ZDHHC24: variants seen among roughly 807,000 people sequenced by gnomAD.
The protein encoded by ZDHHC24 is zDHHC palmitoyltransferase 24.
Under a neutral mutation model 23.2 loss-of-function variants are expected in ZDHHC24, and 17 were observed. The observed-to-expected ratio is 0.73, with a 90% CI of 0.50 to 1.10. ZDHHC24 has a LOEUF of 1.10. Among genes scored for constraint, ZDHHC24 ranks in the 50% least tolerant of loss-of-function variants. The pLI, the probability that ZDHHC24 is intolerant of heterozygous loss-of-function variation, is 0.00. For synonymous variants in ZDHHC24, 186 were observed against 194.5 expected (o/e 0.96, Z 0.36); for missense variants, 366 against 393.0 (o/e 0.93, Z 0.58).
rs1209367121 is a variant in ZDHHC24, at chr11:66,539,814, A to G, written c.570T>C (p.Ser190=). 1.2e-6 allele frequency: 2 copies of G among 1,601,224 alleles called. No individual in the cohort carries two copies. The highest frequency in any genetic ancestry group is 1.1e-5 in the South Asian group (1 of 90,256). The change falls in exon 3 of 3, where the codon TCT becomes TCC. Residue 190 remains serine (S), a synonymous_variant. Coordinates refer to ENST00000310442, the MANE Select transcript of ZDHHC24 (RefSeq NM_207340.3). ...PWLMLLTGRV[S]LAQFALAFVT... ...CGAAGGCCAAGGCAAACTGTGCCAG[A>G]GACACTCTGCCTGCAATAAAAGAGC...
intron 2 of ZDHHC24, among the ~76,000 whole-genome samples, chr11:66,541,662 GAGAA>G (rs1857155558): frequency 6.6e-6 from 1 of 152,144 alleles, no homozygotes; most frequent in African/African-American, 2.4e-5. Flanking sequence ...GATAAAAGAT[GAGAA>G]AGGGCAACCA....
chr11:66,527,828 A>C (rs903384561), intron 3 of ZDHHC24: 3 of 152,304 alleles, frequency 2.0e-5, no homozygotes, highest in African/African-American at 4.8e-5. Context: ...AGCTTGGGAA[A>C]GGCTTCAGAG....
chr11:66,531,367 G>A (rs1404309712), downstream of ZDHHC24, among the ~76,000 whole-genome samples: 2 of 152,162 alleles, frequency 1.3e-5, no homozygotes, highest in Admixed American at 1.3e-4. Flanking sequence ...TTCCCCCAGG[G>A]CCCAGGTCTG....
intron 4 of ZDHHC24, chr11:66,523,337 A>G: frequency 7.1e-7 from 1 of 1,410,054 alleles, no homozygotes; most frequent in Admixed American, 1.7e-5. Context: ...TCCCAGGGTC[A>G]TCTGCTTTGG....
In ZDHHC24 at chr11:66,537,917, A is replaced by C. The variant is rs1214659338; in HGVS notation, c.*1612T>G. 1 of 144,804 alleles carries C rather than the reference A, an allele frequency of 6.9e-6. No homozygotes were observed. The highest frequency in any genetic ancestry group is 1.5e-5 in the Non-Finnish European group (1 of 66,172). 9.0% of individuals were successfully genotyped at this position (144,804 alleles called of 1,614,324 possible). A position where few individuals can be genotyped will look rare whatever the true frequency, so the allele number is the denominator to read the frequency against. On this transcript the variant is annotated 3_prime_UTR_variant, in exon 3 of 3. Coordinates refer to ENST00000310442, the MANE Select transcript of ZDHHC24 (RefSeq NM_207340.3). ...CACTCCAGCCTGGCAACAGAACAAG[A>C]GTCTGTCTCAAATAAAATAAAATAA...
rs566163011 is a variant in ZDHHC24 at position 66,529,380 on chromosome 11, G to T, written c.668C>A (p.Pro223His). 1.6e-5 allele frequency: 23 copies of T among 1,403,232 alleles called. 1 individual carries two copies. The African/African-American group carries it at 1.8e-4, about 11-fold the overall frequency. 86.9% of individuals were successfully genotyped at this position (1,403,232 alleles called of 1,614,324 possible). Residue 223 changes from proline to histidine, a missense_variant, in exon 3 of 5, where the codon CCT becomes CAT. Coordinates refer to the ZDHHC24 transcript ENST00000526986. The stretch of plus-strand genomic sequence containing the variant: ...GACCTCCCTGTGGAGATGAGCAGGA[G>T]GCAGGCGAGGGTGCTCACTAAGCTG...
In ZDHHC24 at chr11:66,545,728, G is replaced by A; in HGVS notation, c.276C>T (p.Gly92=). 6.4e-7 allele frequency: 1 copy of A among 1,567,866 alleles called. No homozygotes were observed. Among genetic ancestry groups the A allele is most frequent in the Non-Finnish European group, 8.6e-7 (1 of 1,163,374 alleles). ...VMLAGRGLGQ[G]WAYCYQCQSQ... ...CGATCCCGCACCCCACTCACGCCCAGCCCTGGCCCAGACCGCGGCCGGCCA... is the reference window on the plus strand; with the variant it reads ...CGATCCCGCACCCCACTCACGCCCAACCCTGGCCCAGACCGCGGCCGGCCA... The change falls in exon 1 of 3, where the codon GGC becomes GGT. Residue 92 remains glycine, a synonymous_variant. Transcript: ENST00000310442. This position sits in a 1 kb window ranked among gnomAD's most constrained non-coding sequence, Gnocchi z 4.5.
chr11:66,531,439 C>T (rs2134839462), downstream of ZDHHC24, among the ~76,000 whole-genome samples: 1 of 152,278 alleles, frequency 6.6e-6, no homozygotes, highest in South Asian at 2.1e-4. Flanking sequence ...CAGCCCCAGA[C>T]TTGGTGGGAG....
rs919908381 is a variant in ZDHHC24 at position 66,537,625 on chromosome 11, G to A, written c.*1904C>T. Reference sequence around the variant, plus strand: ...CCAAGGCGGGCAGATCACGAGGTCAGTAGATCAAGACCATCCTGGCCGGCC... The same window carrying A: ...CCAAGGCGGGCAGATCACGAGGTCAATAGATCAAGACCATCCTGGCCGGCC... On this transcript the variant is annotated 3_prime_UTR_variant, in exon 3 of 3. Coordinates refer to ENST00000310442, the MANE Select transcript of ZDHHC24 (RefSeq NM_207340.3). 2 of 141,828 alleles carry A rather than the reference G, an allele frequency of 1.4e-5. No homozygotes were observed. The highest frequency in any genetic ancestry group is 5.5e-5 in the African/African-American group (2 of 36,684). 8.8% of individuals were successfully genotyped at this position (141,828 alleles called of 1,614,324 possible).
rs773104286 is a variant in ZDHHC24 at position 66,543,710 on chromosome 11, G to A, written c.553C>T (p.Leu185Phe). 5.7e-6 allele frequency: 9 copies of A among 1,583,618 alleles called. No individual in the cohort carries two copies. In the South Asian group the frequency reaches 6.8e-5, roughly 12 times the overall value. ...GGCCTCCCAGGCTCCCCACCTGTGA[G>A]CAACATGAGCCAGGGAAGCAGGAGG... ...ALLLLPWLMLLTGRVSLAQFA... is the reference protein window; with the variant it reads ...ALLLLPWLMLFTGRVSLAQFA... Residue 185 changes from leucine (L) to phenylalanine (F), a missense_variant, in exon 2 of 3, where the codon CTC becomes TTC. Coordinates refer to ENST00000310442, the MANE Select transcript of ZDHHC24 (RefSeq NM_207340.3).
At chr11:66,524,256 G>A in intron 4 of ZDHHC24, 1 of 346,134 alleles carries the variant, frequency 2.9e-6, no homozygotes, top group Non-Finnish European at 5.7e-6. Context: ...CTTCAGCCTG[G>A]ACAACAGAGC....
chr11:66,521,490 C>G (rs1856215132), intron 4 of ZDHHC24: 2 of 830,922 alleles, frequency 2.4e-6, no homozygotes, highest in East Asian at 5.2e-5. Flanking sequence ...ATGCAAAGAG[C>G]TGAGAACTTC....
downstream of ZDHHC24, chr11:66,530,799 C>T (rs1856744284): frequency 6.5e-7 from 1 of 1,534,418 alleles, no homozygotes. Context: ...GAGGAGGGGA[C>T]ATGAGGGCAT....
At chr11:66,539,947 G>A (rs994952559) in intron 2 of ZDHHC24, 123 bp from the exon 3 acceptor site, 16 of 1,014,532 alleles carry the variant, frequency 1.6e-5, no homozygotes, top group South Asian at 7.5e-5. Context: ...GTCGATACTC[G>A]CTGGCCAGCC....
chr11:66,532,013 G>A, downstream of ZDHHC24: 1 of 1,607,748 alleles, frequency 6.2e-7, no homozygotes, highest in Non-Finnish European at 8.5e-7. Flanking sequence ...ACATGCCTGG[G>A]AGCGAGGGGC....
chr11:66,544,081 C>T, intron 1 of ZDHHC24, 100 bp from the exon 2 acceptor site: 1 of 1,484,040 alleles, frequency 6.7e-7, no homozygotes, highest in Middle Eastern at 1.9e-4. Context: ...GTGGCAACAG[C>T]CATTTGCCCT....
At chr11:66,532,003 A>G (rs747099228), downstream of ZDHHC24, 1 of 1,608,462 alleles carries the variant, frequency 6.2e-7, no homozygotes. Flanking sequence ...GCCCACGTCA[A>G]CATGCCTGGG....
intron 3 of ZDHHC24, chr11:66,529,177 G>T: frequency 6.9e-7 from 1 of 1,450,990 alleles, no homozygotes; most frequent in Non-Finnish European, 9.1e-7. Flanking sequence ...TCTGGAAGAG[G>T]AGGGACAGTG....
intron 4 of ZDHHC24, chr11:66,523,367 T>A: frequency 6.3e-7 from 1 of 1,580,556 alleles, no homozygotes; most frequent in Non-Finnish European, 8.7e-7. Flanking sequence ...TCCTCCCAGG[T>A]GAGTCCATGA....
Sources: allele counts gnomAD v4.1 joint callset (sites outside exome capture counted in the v4.1 genomes callset), GRCh38; gene constraint gnomAD v4.1.1; non-coding constraint Gnocchi (gnomAD v3.1); transcripts MANE v1.5; gene names NCBI Gene and HGNC (gene_info 2026-07-23, HGNC 2026-07-21).